The following LMF1 variants were observed in gnomAD, a reference collection of about 807,000 sequenced individuals.
The protein encoded by LMF1 is transmembrane protein 112.
In LMF1, 68 loss-of-function variants were observed where a neutral mutation model predicts 60.6. The observed-to-expected ratio is 1.12, with a 90% CI of 0.92 to 1.37. The LOEUF (loss-of-function observed/expected upper bound fraction) is 1.37, where lower values mean the gene tolerates loss of function less well. Among genes scored for constraint, LMF1 ranks in the 40% most tolerant of loss-of-function variants. The probability of loss-of-function intolerance (pLI) is 0.00; values close to 1 mark genes in which losing one functional copy is unlikely to be tolerated. For missense variants in LMF1, 948 were observed against 767.2 expected (o/e 1.24, Z -2.78); for synonymous variants, 418 against 324.7 (o/e 1.29, Z -3.09).
chr16:882,816 G>A (rs1175964975), intron 5 of LMF1, among the ~76,000 whole-genome samples: 1 of 144,674 alleles, frequency 6.9e-6, no homozygotes, highest in African/African-American at 2.6e-5. Flanking sequence ...CGGCGGCAGA[G>A]CCTATCACAG....
intron 10 of LMF1, among the ~76,000 whole-genome samples, chr16:862,638 G>C (rs2069498606): frequency 6.6e-6 from 1 of 152,026 alleles, no homozygotes; most frequent in African/African-American, 2.4e-5. Context: ...TGGGAGGACT[G>C]CCTGAGCCCA....
intron 1 of LMF1, among the ~76,000 whole-genome samples, chr16:958,214 A>G (rs976628289): frequency 3.3e-5 from 5 of 152,256 alleles, no homozygotes; most frequent in African/African-American, 9.6e-5. Flanking sequence ...CACCAAAAGC[A>G]TAATCTATGA....
At chr16:865,154 T>C (rs894864400) in intron 10 of LMF1, among the ~76,000 whole-genome samples, 5 of 152,232 alleles carry the variant, frequency 3.3e-5, no homozygotes, top group African/African-American at 1.2e-4. Context: ...ACTTACAGTC[T>C]ACTGATGTCA....
upstream of LMF1, among the ~76,000 whole-genome samples, chr16:974,931 A>G (rs1405630006): frequency 2.0e-5 from 3 of 152,224 alleles, no homozygotes; most frequent in African/African-American, 7.2e-5. Context: ...AGGGGGGCCC[A>G]GGACCCGTGG....
chr16:954,405 G>A lies in LMF1; in HGVS notation c.455C>T (p.Ala152Val). The A allele has an allele frequency of 1.2e-6, 2 of 1,613,048 alleles. No individual in the cohort carries two copies. The highest frequency in any genetic ancestry group is 1.7e-6 in the Non-Finnish European group (2 of 1,179,734). The change falls in exon 2 of 11, where the codon GCT becomes GTT. Residue 152 changes from alanine to valine, a missense_variant. By Grantham distance (64) the Ala-to-Val change is moderately conservative (BLOSUM62 0). Transcript: ENST00000262301. ...GGACATGTAGAGGCCCCACAGGGCA[G>A]CCATGAGAAGCATGTTGGCGCAGCC... ...ITGCANMLLM[A>V]ALWGLYMSLV...
upstream of LMF1, among the ~76,000 whole-genome samples, chr16:972,341 A>G (rs1159353301): frequency 5.9e-5 from 9 of 152,346 alleles, 1 homozygote; most frequent in Admixed American, 4.6e-4. Flanking sequence ...CATCCTCCGC[A>G]TGCTGGCCCA....
chr16:912,181 G>A (rs1272570235), intron 3 of LMF1, among the ~76,000 whole-genome samples: 4 of 152,304 alleles, frequency 2.6e-5, no homozygotes, highest in East Asian at 1.9e-4. Flanking sequence ...GTGTCTATGC[G>A]CCACAGAGCG....
At chr16:884,556 C>A (rs1420444900) in intron 5 of LMF1, among the ~76,000 whole-genome samples, 1 of 152,238 alleles carries the variant, frequency 6.6e-6, no homozygotes, top group Non-Finnish European at 1.5e-5. Flanking sequence ...AATGTCAAGT[C>A]TGTTAGGTGG....
In LMF1 at chr16:870,895, T is replaced by A. The variant is rs1375946471; in HGVS notation, c.1079-13A>T. The A allele has an allele frequency of 6.3e-7, 1 of 1,597,092 alleles. No homozygotes were observed. The highest frequency in any genetic ancestry group is 1.7e-5 in the Admixed American group (1 of 58,372). On this transcript the variant is annotated splice_polypyrimidine_tract_variant and intron_variant, in intron 7 of 10. Transcript: ENST00000262301. ...CGCACCACGGAGCCTGGCAGGGGAGTGACATCTTCCAGGTGGGGCTCCCAG... is the reference window on the plus strand; with the variant it reads ...CGCACCACGGAGCCTGGCAGGGGAGAGACATCTTCCAGGTGGGGCTCCCAG...
intron 10 of LMF1, among the ~76,000 whole-genome samples, chr16:862,479 A>G (rs963397686): frequency 1.3e-5 from 2 of 152,134 alleles, no homozygotes; most frequent in African/African-American, 4.8e-5. Context: ...TTTTGTGTCT[A>G]TATCACTGAG....
rs142773913 is a variant in LMF1, at chr16:959,345, G to A, written c.194-4679C>T. On this transcript the variant is annotated intron_variant, in intron 1 of 10. Transcript: ENST00000262301. ...GGCTATATACTGCGTGATTTCATTCGTATGTCACACTGGAAAAGGCAAAAC... is the reference window on the plus strand; with the variant it reads ...GGCTATATACTGCGTGATTTCATTCATATGTCACACTGGAAAAGGCAAAAC... Among the ~76,000 whole-genome samples, 360 of 152,294 alleles carry A rather than the reference G, an allele frequency of 2.4e-3. 4 individuals carry two copies. The highest frequency in any genetic ancestry group is 7.7e-3 in the African/African-American group (321 of 41,552).
At chr16:855,668 T>C (rs1034546197) in intron 10 of LMF1, 1 of 455,404 alleles carries the variant, frequency 2.2e-6, no homozygotes, top group Admixed American at 2.4e-5. Context: ...CTGGGATCCA[T>C]GGCAGAGCTG....
At chr16:976,068 C>T (rs1009719658) in intron 1 of LMF1, 9 of 384,502 alleles carry the variant, frequency 2.3e-5, no homozygotes, top group Non-Finnish European at 3.9e-5. Flanking sequence ...CAGGTCTTGG[C>T]AGCCTGAGTG....
intron 3 of LMF1, among the ~76,000 whole-genome samples, chr16:928,770 T>C (rs1041346828): frequency 5.7e-5 from 7 of 122,426 alleles, no homozygotes; most frequent in African/African-American, 2.2e-4. Context: ...GGCCCATCCC[T>C]ACACCCCCAT....
At chr16:935,947 G>A (rs1544800) in intron 2 of LMF1, among the ~76,000 whole-genome samples, 65,154 of 152,198 alleles carry the variant, frequency 0.43, 16,600 homozygotes, top group African/African-American at 0.71. Flanking sequence ...TTCTTCAACC[G>A]CATCAGGTGT....
chr16:890,905 C>A (rs1016428851), intron 5 of LMF1, among the ~76,000 whole-genome samples: 2 of 152,244 alleles, frequency 1.3e-5, no homozygotes, highest in Admixed American at 1.3e-4. Flanking sequence ...CCAGGGCCAT[C>A]CCTCTGGCCC....
At chr16:953,144 C>A (rs1450068666) in intron 2 of LMF1, among the ~76,000 whole-genome samples, 1 of 132,978 alleles carries the variant, frequency 7.5e-6, no homozygotes, top group Admixed American at 7.2e-5. Context: ...CACAGACACC[C>A]ACCCCAAACC....
chr16:978,049 C>T (rs371211167), intron 1 of LMF1, among the ~76,000 whole-genome samples: 1 of 116,530 alleles, frequency 8.6e-6, no homozygotes, highest in Non-Finnish European at 1.7e-5. Context: ...ATCACACACA[C>T]ACAAACACAC....
intron 1 of LMF1, among the ~76,000 whole-genome samples, chr16:957,565 G>A (rs1052243378): frequency 6.6e-6 from 1 of 152,136 alleles, no homozygotes; most frequent in East Asian, 1.9e-4. Flanking sequence ...CAGTGCTTCC[G>A]CCGAGGCTGA....
Sources: allele counts gnomAD v4.1 joint callset (sites outside exome capture counted in the v4.1 genomes callset), GRCh38; gene constraint gnomAD v4.1.1; transcripts MANE v1.5; gene names NCBI Gene and HGNC (gene_info 2026-07-23, HGNC 2026-07-21).